The following CNTN3 variants were observed in gnomAD, a reference collection of about 807,000 sequenced individuals.
CNTN3 encodes contactin-3.
A neutral mutation model predicts 119.1 loss-of-function variants in CNTN3; 60 were observed. That is an observed-to-expected ratio of 0.50 (90% confidence interval 0.41 to 0.62). The LOEUF is 0.62. Among genes scored for constraint, CNTN3 ranks in the 20% least tolerant of loss-of-function variants. The pLI is 0.00. For missense variants in CNTN3, 1,101 were observed against 1,242.4 expected (o/e 0.89, Z 1.71); for synonymous variants, 450 against 438.7 (o/e 1.03, Z -0.32).
chr3:74,351,413 A>T (rs1207811057), intron 11 of CNTN3, among the ~76,000 whole-genome samples: 1 of 152,154 alleles, frequency 6.6e-6, no homozygotes, highest in Admixed American at 6.5e-5. Context: ...CTGTTTAAGG[A>T]TTCCTGGCCT....
Position 74,405,721 on chromosome 3 carries a change from C to T in CNTN3, c.454+19124G>A, listed in dbSNP as rs150418548. Among the ~76,000 whole-genome samples the T allele has an allele frequency of 1.8e-4, 27 of 152,134 alleles. No homozygotes were observed. In the East Asian group the frequency reaches 2.1e-3, roughly 12 times the overall value. On this transcript the variant is annotated intron_variant, in intron 5 of 22. Transcript: ENST00000263665. The stretch of plus-strand genomic sequence containing the variant: ...AAACTGCTGTTTCTTTCTGCATAAA[C>T]GACACATACCTTTTTAAACATGTAT...
intron 11 of CNTN3, among the ~76,000 whole-genome samples, chr3:74,352,723 CA>C (rs1703846564): frequency 2.0e-5 from 3 of 152,060 alleles, no homozygotes; most frequent in Non-Finnish European, 4.4e-5. Flanking sequence ...GCAGGGACAT[CA>C]ATCAATCTGG....
chr3:74,369,144 G>T lies in CNTN3; in HGVS notation c.946+45C>A, dbSNP rs200709001. On this transcript the variant is annotated intron_variant, in intron 8 of 22. Coordinates refer to ENST00000263665, the MANE Select transcript of CNTN3 (RefSeq NM_020872.3). The stretch of plus-strand genomic sequence containing the variant: ...AATAACAACCATATTTTATAGATGA[G>T]AAAGTAAAAGCTAAAACTCCAATTT... The T allele has an allele frequency of 1.8e-5, 25 of 1,422,322 alleles. No homozygotes were observed. The East Asian group carries it at 6.0e-4, about 34-fold the overall frequency. The allele number at this position is 1,422,322 out of a possible 1,614,324, so 88.1% of individuals were successfully genotyped here.
intron 3 of CNTN3, among the ~76,000 whole-genome samples, chr3:74,497,685 C>A (rs1703089108): frequency 6.6e-6 from 1 of 151,850 alleles, no homozygotes; most frequent in Non-Finnish European, 1.5e-5. Context: ...TGTTAAATTT[C>A]TTCATTTATC....
intron 20 of CNTN3, among the ~76,000 whole-genome samples, chr3:74,272,438 A>T (rs1483193136): frequency 6.6e-6 from 1 of 152,184 alleles, no homozygotes; most frequent in African/African-American, 2.4e-5. Flanking sequence ...CTGTTTGAAT[A>T]CTGGTAAAGT....
At chr3:74,545,061 T>C (rs1019812675) in intron 1 of CNTN3, among the ~76,000 whole-genome samples, 2 of 152,196 alleles carry the variant, frequency 1.3e-5, no homozygotes, top group Non-Finnish European at 2.9e-5. Flanking sequence ...GCAGGGTTAA[T>C]GCTTCAAATA....
chr3:74,413,170 T>G (rs962418629), intron 5 of CNTN3, among the ~76,000 whole-genome samples: 1 of 152,126 alleles, frequency 6.6e-6, no homozygotes, highest in Non-Finnish European at 1.5e-5. Context: ...CTCTGTGTCA[T>G]GAAAATGACA....
At chr3:74,456,130 A>G (rs1702264189) in intron 4 of CNTN3, among the ~76,000 whole-genome samples, 2 of 152,116 alleles carry the variant, frequency 1.3e-5, no homozygotes, top group South Asian at 2.1e-4. Context: ...ACAGGCATAT[A>G]GCAATTGCTG....
chr3:74,589,679 T>C (rs1704664607), intron 1 of CNTN3, among the ~76,000 whole-genome samples: 1 of 149,350 alleles, frequency 6.7e-6, no homozygotes, highest in Non-Finnish European at 1.5e-5. Flanking sequence ...GCGGCACTAT[T>C]CACAATAGCA....
At chr3:74,273,819 T>C (rs1366836339) in intron 20 of CNTN3, among the ~76,000 whole-genome samples, 1 of 152,094 alleles carries the variant, frequency 6.6e-6, no homozygotes, top group East Asian at 1.9e-4. Context: ...GGCCAGAACC[T>C]GGGGGAGAGA....
At chr3:74,391,557 CTTTTTTTTTTTT>C (rs554976641) in intron 5 of CNTN3, among the ~76,000 whole-genome samples, 1 of 87,028 alleles carries the variant, frequency 1.1e-5, no homozygotes. Context: ...CCCATAGTTT[CTTTTTTTTTTTT>C]TTTTTTTTTT....
chr3:74,486,603 T>C lies in CNTN3; in HGVS notation c.211A>G (p.Met71Val). 4 of 1,578,816 alleles carry C rather than the reference T, an allele frequency of 2.5e-6. No homozygotes were observed. Among genetic ancestry groups the C allele is most frequent in the Non-Finnish European group, 3.4e-6 (4 of 1,168,612 alleles). ...RWQLNGSDID[M>V]SMEHRYKLNG... ...AACTTATAACGATGTTCCATACTCA[T>C]ATCAATATCACTTCCATTCAGCTGC... The change falls in exon 4 of 23, where the codon ATG becomes GTG. Residue 71 changes from methionine to valine, a missense_variant. Physicochemically the swap from Met to Val is conservative, Grantham distance 21. Transcript: ENST00000263665.
chr3:74,595,528 G>C (rs904504264), intron 1 of CNTN3, among the ~76,000 whole-genome samples: 2 of 151,920 alleles, frequency 1.3e-5, no homozygotes, highest in South Asian at 4.2e-4. Context: ...TGCAAGGCTG[G>C]TTCAATATAT....
chr3:74,356,284 G>A (rs1703932271), intron 11 of CNTN3, among the ~76,000 whole-genome samples: 1 of 152,010 alleles, frequency 6.6e-6, no homozygotes, highest in Non-Finnish European at 1.5e-5. Context: ...CTAGTATTTT[G>A]TTATAGTAGC....
intron 1 of CNTN3, among the ~76,000 whole-genome samples, chr3:74,536,997 AACACACAC>A (rs10663609): frequency 6.6e-6 from 1 of 150,532 alleles, no homozygotes; most frequent in South Asian, 2.1e-4. Context: ...TTTCATTTAA[AACACACAC>A]ACACACACAG....
At chr3:74,546,081 C>T (rs1261381930) in intron 1 of CNTN3, among the ~76,000 whole-genome samples, 2 of 152,014 alleles carry the variant, frequency 1.3e-5, no homozygotes, top group African/African-American at 2.4e-5. Context: ...CTGCAAGCTC[C>T]GCCTCCCAGG....
chr3:74,543,218 A>C (rs1703866507), intron 1 of CNTN3, among the ~76,000 whole-genome samples: 1 of 152,228 alleles, frequency 6.6e-6, no homozygotes, highest in South Asian at 2.1e-4. Context: ...GGATATAAAC[A>C]ATCAAGATAA....
At chr3:74,529,320 C>T (rs561917792) in intron 1 of CNTN3, among the ~76,000 whole-genome samples, 13 of 152,016 alleles carry the variant, frequency 8.6e-5, no homozygotes, top group African/African-American at 2.2e-4. Flanking sequence ...GAGCTCAACA[C>T]GTGGCACTGA....
intron 17 of CNTN3, 78 bp downstream of exon 17, chr3:74,299,790 G>A: frequency 4.3e-6 from 5 of 1,170,258 alleles, no homozygotes; most frequent in Non-Finnish European, 6.2e-6. Context: ...CTGCACCATT[G>A]GCACCACCAC....
Sources: allele counts gnomAD v4.1 joint callset (sites outside exome capture counted in the v4.1 genomes callset), GRCh38; gene constraint gnomAD v4.1.1; transcripts MANE v1.5; gene names NCBI Gene and HGNC (gene_info 2026-07-23, HGNC 2026-07-21).